LDLRAD4: variants seen among roughly 807,000 people sequenced by gnomAD.
The protein encoded by LDLRAD4 is low-density lipoprotein receptor class A domain-containing protein 4.
In LDLRAD4, 5 loss-of-function variants were observed where a neutral mutation model predicts 17.0. The observed-to-expected ratio is 0.29, with a 90% confidence interval of 0.15 to 0.62. LDLRAD4 has a LOEUF of 0.62. Ranked by LOEUF, LDLRAD4 falls within the 20% of genes least tolerant of loss-of-function variation. LDLRAD4 has a pLI of 0.84. For missense variants in LDLRAD4, 340 were observed against 424.7 expected (o/e 0.80, Z 1.75); for synonymous variants, 168 against 171.8 (o/e 0.98, Z 0.17).
intron 3 of LDLRAD4, among the ~76,000 whole-genome samples, chr18:13,574,493 C>A (rs1373745769): frequency 2.0e-5 from 3 of 152,162 alleles, no homozygotes; most frequent in Admixed American, 6.5e-5. Flanking sequence ...GTCTTTGTAC[C>A]CCTAGCACCT....
intron 3 of LDLRAD4, among the ~76,000 whole-genome samples, chr18:13,449,659 C>A (rs149430482): frequency 5.3e-5 from 8 of 152,380 alleles, no homozygotes; most frequent in African/African-American, 1.9e-4. Context: ...GCGCTATCTC[C>A]TTCATCCTTA....
In LDLRAD4 at chr18:13,349,335, G is replaced by A. The variant is rs540280298; in HGVS notation, c.-382-38006G>A. 1.6e-4 allele frequency among the ~76,000 whole-genome samples: 24 copies of A among 152,272 alleles called. 1 individual carries two copies. Among genetic ancestry groups the A allele is most frequent in the African/African-American group, 4.1e-4 (17 of 41,546 alleles). On this transcript the variant is annotated intron_variant, in intron 1 of 5. Transcript: ENST00000359446. ...GTCATAGATTATGTCTTTGTATATT[G>A]TGTGTCCATTAATATGCACTTATGA... is the stretch of plus-strand genomic sequence containing the variant.
Position 13,376,230 on chromosome 18 carries a change from G to A in LDLRAD4, c.-382-11111G>A, listed in dbSNP as rs116289146. 1.0e-3 allele frequency among the ~76,000 whole-genome samples: 157 copies of A among 152,270 alleles called. 2 individuals carry two copies. Among genetic ancestry groups the A allele is most frequent in the African/African-American group, 3.6e-3 (150 of 41,546 alleles). On this transcript the variant is annotated intron_variant, in intron 1 of 5. Coordinates refer to ENST00000359446, the Ensembl canonical transcript of LDLRAD4. ...TGCAGAGTAGGGGTTGGAATAAATC[G>A]ATTCCTACTTGTCAACTCCAGTGGG...
intron 3 of LDLRAD4, among the ~76,000 whole-genome samples, chr18:13,587,428 T>C (rs1225520521): frequency 6.6e-6 from 1 of 151,818 alleles, no homozygotes; most frequent in Non-Finnish European, 1.5e-5. Flanking sequence ...CCGAGAACAG[T>C]CGACCTGTCA....
intron 3 of LDLRAD4, among the ~76,000 whole-genome samples, chr18:13,509,137 G>C (rs1418344880): frequency 2.0e-5 from 3 of 152,164 alleles, no homozygotes; most frequent in African/African-American, 7.2e-5. Context: ...GACATCATCT[G>C]TACACAAAAT....
At chr18:13,534,747 G>T (rs1412095575) in intron 3 of LDLRAD4, among the ~76,000 whole-genome samples, 2 of 151,808 alleles carry the variant, frequency 1.3e-5, no homozygotes, top group Admixed American at 6.6e-5. Flanking sequence ...ATGAATTTTG[G>T]TAACGACATA....
chr18:13,435,657 A>T (rs1174271965), intron 2 of LDLRAD4, among the ~76,000 whole-genome samples: 2 of 152,178 alleles, frequency 1.3e-5, no homozygotes, highest in African/African-American at 4.8e-5. Flanking sequence ...TTTGTTGCCC[A>T]GGCTGCTCTA....
At chr18:13,571,888 A>G (rs544508811) in intron 3 of LDLRAD4, among the ~76,000 whole-genome samples, 314 of 152,304 alleles carry the variant, frequency 2.1e-3, no homozygotes, top group Non-Finnish European at 3.6e-3. Context: ...CACCCGCCTC[A>G]GCCTCCCAAA....
intron 3 of LDLRAD4, among the ~76,000 whole-genome samples, chr18:13,602,986 C>T (rs542609147): frequency 3.3e-5 from 5 of 151,988 alleles, no homozygotes; most frequent in African/African-American, 1.2e-4. Flanking sequence ...AGGCTATGGA[C>T]ATAACAAATT....
chr18:13,412,183 C>T (rs917186196), intron 2 of LDLRAD4, among the ~76,000 whole-genome samples: 9 of 152,106 alleles, frequency 5.9e-5, no homozygotes, highest in Admixed American at 1.3e-4. Context: ...AGGGCAATTC[C>T]CTAACTCTTT....
At chr18:13,220,974 C>T (rs973094830) in intron 1 of LDLRAD4, among the ~76,000 whole-genome samples, 5 of 152,174 alleles carry the variant, frequency 3.3e-5, no homozygotes, top group African/African-American at 9.7e-5. Context: ...ACCAAAGCCA[C>T]CTCAGGGCCC....
At chr18:13,318,136 C>T (rs987703129) in intron 1 of LDLRAD4, among the ~76,000 whole-genome samples, 6 of 152,190 alleles carry the variant, frequency 3.9e-5, no homozygotes, top group East Asian at 1.9e-4. Context: ...GAGGGTTCAG[C>T]GCAGGGGTCC....
intron 2 of LDLRAD4, among the ~76,000 whole-genome samples, chr18:13,433,600 C>A (rs1361236749): frequency 6.6e-6 from 1 of 152,090 alleles, no homozygotes; most frequent in Non-Finnish European, 1.5e-5. Context: ...CTTGATTTGT[C>A]CTGCTTAAGA....
chr18:13,569,913 T>C (rs2094662060), intron 3 of LDLRAD4, among the ~76,000 whole-genome samples: 1 of 152,066 alleles, frequency 6.6e-6, no homozygotes, highest in Admixed American at 6.6e-5. Context: ...AAATAAAAAA[T>C]AAATTGCGCT....
chr18:13,572,029 TC>T (rs944716098), intron 3 of LDLRAD4, among the ~76,000 whole-genome samples: 20 of 152,000 alleles, frequency 1.3e-4, no homozygotes, highest in African/African-American at 3.9e-4. Flanking sequence ...GTACAGTAAG[TC>T]CCCCCCTTAA....
At chr18:13,397,719 C>T (rs911737911) in intron 2 of LDLRAD4, among the ~76,000 whole-genome samples, 2 of 152,224 alleles carry the variant, frequency 1.3e-5, no homozygotes, top group African/African-American at 4.8e-5. Flanking sequence ...GCAGGCCCTG[C>T]CCCAGGACGA....
chr18:13,284,084 G>A (rs1480607866), intron 1 of LDLRAD4, among the ~76,000 whole-genome samples: 1 of 152,210 alleles, frequency 6.6e-6, no homozygotes, highest in Non-Finnish European at 1.5e-5. Context: ...TTCAAGTTGA[G>A]ATTTGGGTGG....
chr18:13,622,177 C>T lies in LDLRAD4; in HGVS notation c.336+906C>T, dbSNP rs2040717332. ...TCCCACCCTGACTTACAGAGCCTGT[C>T]CAGGGTATGGGGTGCAGCTGTCCAG... is the stretch of plus-strand genomic sequence containing the variant. On this transcript the variant is annotated intron_variant, in intron 4 of 5. Coordinates refer to ENST00000359446, the Ensembl canonical transcript of LDLRAD4. The surrounding 1 kb of genome is among the most constrained non-coding windows in gnomAD (Gnocchi z 5.3). Among the ~76,000 whole-genome samples the T allele has an allele frequency of 6.6e-6, 1 of 152,152 alleles. No individual in the cohort carries two copies. The highest frequency in any genetic ancestry group is 6.5e-5 in the Admixed American group (1 of 15,280).
intron 2 of LDLRAD4, among the ~76,000 whole-genome samples, chr18:13,397,743 T>A (rs2086815895): frequency 6.6e-6 from 1 of 152,206 alleles, no homozygotes; most frequent in Non-Finnish European, 1.5e-5. Context: ...AGCACGGTGC[T>A]ACCACGGCGC....
Sources: gnomAD v4.1 joint callset for allele counts (sites outside exome capture counted in the v4.1 genomes callset) on GRCh38, gnomAD v4.1.1 for gene constraint, Gnocchi (gnomAD v3.1) non-coding constraint, MANE v1.5 for transcripts, NCBI Gene and HGNC (gene_info 2026-07-23, HGNC 2026-07-21) for gene names.